The following NAALADL2 variants were observed in gnomAD, a reference collection of about 807,000 sequenced individuals.
The protein encoded by NAALADL2 is N-acetylated alpha-linked acidic dipeptidase like 2.
NAALADL2 carries 76 observed loss-of-function variants against 87.2 expected under a neutral mutation model. The ratio of observed to expected loss-of-function variants is 0.87; its 90% CI spans 0.72 to 1.05. The LOEUF (loss-of-function observed/expected upper bound fraction) is 1.05, where lower values mean the gene tolerates loss of function less well. Ranked by LOEUF, NAALADL2 falls within the 50% of genes least tolerant of loss-of-function variation. NAALADL2 has a pLI of 0.00. For missense variants in NAALADL2, 1,089 were observed against 945.8 expected (o/e 1.15, Z -1.99); for synonymous variants, 354 against 331.0 (o/e 1.07, Z -0.75).
rs141518881 is a variant in NAALADL2, at chr3:174,593,661, C to T, written c.-115+43024C>T. ...TTTACTCTCAGATGGTTAATTATAA[C>T]ACTCAAATTCTGGTATCAGAAATCC... On this transcript the variant is annotated intron_variant, in intron 2 of 3. Coordinates refer to the NAALADL2 transcript ENST00000434257. Among the ~76,000 whole-genome samples, 653 of 152,230 alleles carry T rather than the reference C, an allele frequency of 4.3e-3. 6 individuals carry two copies. Among genetic ancestry groups the T allele is most frequent in the African/African-American group, 0.015 (622 of 41,536 alleles).
chr3:175,142,261 C>T (rs1198886417), intron 2 of NAALADL2, among the ~76,000 whole-genome samples: 1 of 151,966 alleles, frequency 6.6e-6, no homozygotes, highest in Non-Finnish European at 1.5e-5. Flanking sequence ...TTAACAAATG[C>T]CATTGTTAAA....
At chr3:174,921,417 A>G (rs1337017350) in intron 1 of NAALADL2, among the ~76,000 whole-genome samples, 2 of 152,126 alleles carry the variant, frequency 1.3e-5, no homozygotes, top group African/African-American at 4.8e-5. Context: ...TCTACTTCTA[A>G]AAGCATTTAA....
At chr3:174,441,547 C>T (rs1391143931) in intron 1 of NAALADL2, among the ~76,000 whole-genome samples, 1 of 152,174 alleles carries the variant, frequency 6.6e-6, no homozygotes, top group African/African-American at 2.4e-5. Flanking sequence ...TGGAATGCCG[C>T]TCCAGTGGAC....
At chr3:175,057,522 A>C (rs6809531) in intron 1 of NAALADL2, among the ~76,000 whole-genome samples, 3,401 of 152,182 alleles carry the variant, frequency 0.022, 128 homozygotes, top group African/African-American at 0.077. Context: ...CACTACTCTT[A>C]CCCTGTTGAC....
intron 1 of NAALADL2, among the ~76,000 whole-genome samples, chr3:174,496,641 T>G (rs1315297666): frequency 6.6e-6 from 1 of 151,822 alleles, no homozygotes; most frequent in Non-Finnish European, 1.5e-5. Flanking sequence ...AAGAGTGTTT[T>G]AAAATCTAAA....
intron 1 of NAALADL2, among the ~76,000 whole-genome samples, chr3:175,013,070 TAA>T (rs1211436057): frequency 9.3e-6 from 1 of 108,040 alleles, no homozygotes; most frequent in Admixed American, 1.1e-4. Flanking sequence ...CACATATATA[TAA>T]ATATGTAATA....
intron 11 of NAALADL2, among the ~76,000 whole-genome samples, chr3:175,712,943 A>C (rs1740727066): frequency 6.6e-6 from 1 of 152,110 alleles, no homozygotes. Flanking sequence ...TTGCTTTTGC[A>C]GCATAATGAA....
intron 2 of NAALADL2, among the ~76,000 whole-genome samples, chr3:174,572,403 A>G (rs918730232): frequency 1.2e-4 from 19 of 152,194 alleles, no homozygotes; most frequent in African/African-American, 3.9e-4. Flanking sequence ...AATTTTGTAA[A>G]ATGTATTTGC....
intron 1 of NAALADL2, among the ~76,000 whole-genome samples, chr3:175,049,768 G>GA (rs1302302427): frequency 6.6e-6 from 1 of 152,136 alleles, no homozygotes; most frequent in Non-Finnish European, 1.5e-5. Context: ...AAGAGAGTCA[G>GA]AAAAATCAAG....
At chr3:174,868,116 A>G (rs1461253783) in intron 1 of NAALADL2, among the ~76,000 whole-genome samples, 1 of 152,070 alleles carries the variant, frequency 6.6e-6, no homozygotes, top group Non-Finnish European at 1.5e-5. Context: ...CTGTGCATCT[A>G]ATGTAACTGC....
rs1755009773 is a variant in NAALADL2, at chr3:175,809,600, C to T, written c.*6397C>T. On this transcript the variant is annotated 3_prime_UTR_variant, in exon 14 of 14. Transcript: ENST00000454872. Reference sequence around the variant, plus strand: ...CTTTGTAGTCCAGCTACTAGGGAGGCTGAGGCGGAAGAATCATTTGGGCCC... The same window carrying T: ...CTTTGTAGTCCAGCTACTAGGGAGGTTGAGGCGGAAGAATCATTTGGGCCC... 1 of 148,564 alleles carries T rather than the reference C, an allele frequency of 6.7e-6. No individual in the cohort carries two copies. Among genetic ancestry groups the T allele is most frequent in the South Asian group, 2.1e-4 (1 of 4,688 alleles). The allele number at this position is 148,564 out of a possible 1,614,324, so 9.2% of individuals were successfully genotyped here.
chr3:175,196,234 C>A (rs1203507584), intron 2 of NAALADL2, among the ~76,000 whole-genome samples: 2 of 151,834 alleles, frequency 1.3e-5, no homozygotes, highest in East Asian at 3.9e-4. Context: ...GAAGGGAAGT[C>A]CTGATCATAA....
intron 3 of NAALADL2, among the ~76,000 whole-genome samples, chr3:175,248,623 A>T (rs145786599): frequency 1.3e-5 from 2 of 152,206 alleles, no homozygotes; most frequent in East Asian, 3.9e-4. Flanking sequence ...TCATTTATTC[A>T]TTCACTTATT....
chr3:174,760,389 A>G (rs529413281), intron 3 of NAALADL2, among the ~76,000 whole-genome samples: 11 of 152,364 alleles, frequency 7.2e-5, no homozygotes, highest in Non-Finnish European at 1.6e-4. Flanking sequence ...GTCAGCCAAT[A>G]CATAATAGAA....
intron 3 of NAALADL2, among the ~76,000 whole-genome samples, chr3:174,811,794 C>T (rs974918479): frequency 3.3e-5 from 5 of 152,056 alleles, no homozygotes; most frequent in African/African-American, 7.2e-5. Flanking sequence ...GTGTCCCCAC[C>T]CAAACTTCAT....
chr3:174,892,386 A>T (rs1359667329), intron 1 of NAALADL2, among the ~76,000 whole-genome samples: 1 of 152,200 alleles, frequency 6.6e-6, no homozygotes, highest in Non-Finnish European at 1.5e-5. Flanking sequence ...TGAAATAATT[A>T]AAAAGAATGA....
At chr3:174,510,131 G>C (rs1719504807) in intron 1 of NAALADL2, among the ~76,000 whole-genome samples, 1 of 151,872 alleles carries the variant, frequency 6.6e-6, no homozygotes, top group South Asian at 2.1e-4. Context: ...AATTAAATTT[G>C]CTAAAATATT....
At chr3:175,426,179 C>A (rs953246464) in intron 5 of NAALADL2, among the ~76,000 whole-genome samples, 1 of 152,024 alleles carries the variant, frequency 6.6e-6, no homozygotes, top group African/African-American at 2.4e-5. Flanking sequence ...GTCTGGCCAG[C>A]GTATTGAAAC....
intron 2 of NAALADL2, among the ~76,000 whole-genome samples, chr3:174,615,987 AG>A (rs1246277381): frequency 6.6e-6 from 1 of 152,034 alleles, no homozygotes; most frequent in African/African-American, 2.4e-5. Context: ...AAAGCACAGA[AG>A]TGAATCTGAA....
Sources: gnomAD v4.1 joint callset for allele counts (sites outside exome capture counted in the v4.1 genomes callset) on GRCh38, gnomAD v4.1.1 for gene constraint, MANE v1.5 for transcripts, NCBI Gene and HGNC (gene_info 2026-07-23, HGNC 2026-07-21) for gene names.